Variants in CPNE4 observed in about 807,000 individuals in gnomAD.
CPNE4 encodes the protein copine 4, also known as copine-4.
A neutral mutation model predicts 67.9 loss-of-function variants in CPNE4; 25 were observed. That is an observed-to-expected ratio of 0.37 (90% CI 0.27 to 0.51). CPNE4 has a LOEUF of 0.51. Among genes scored for constraint, CPNE4 ranks in the 20% least tolerant of loss-of-function variants. CPNE4 has a pLI of 0.93. For missense variants in CPNE4, 464 were observed against 690.8 expected (o/e 0.67, Z 3.68); for synonymous variants, 242 against 244.9 (o/e 0.99, Z 0.11).
At chr3:132,012,216 C>G (rs1038800052) in intron 1 of CPNE4, among the ~76,000 whole-genome samples, 1 of 149,932 alleles carries the variant, frequency 6.7e-6, no homozygotes, top group African/African-American at 2.5e-5. Flanking sequence ...TCACCCAGGC[C>G]GGAGTTCAGT....
chr3:131,962,274 T>C (rs547024790), intron 1 of CPNE4, among the ~76,000 whole-genome samples: 74 of 152,322 alleles, frequency 4.9e-4, no homozygotes, highest in African/African-American at 1.8e-3. Flanking sequence ...AAGTCAAGGG[T>C]AGATGAAGAG....
intron 2 of CPNE4, among the ~76,000 whole-genome samples, chr3:131,726,157 G>A (rs1305269332): frequency 6.6e-6 from 1 of 152,190 alleles, no homozygotes; most frequent in Admixed American, 6.5e-5. Context: ...GACAGGTGAT[G>A]GAAACTCTAG....
chr3:131,580,427 T>TACATAG, intron 9 of CPNE4, among the ~76,000 whole-genome samples: 1 of 140,374 alleles, frequency 7.1e-6, no homozygotes, highest in African/African-American at 3.2e-5. Context: ...CATATACATA[T>TACATAG]ACATATACAT....
intron 11 of CPNE4, among the ~76,000 whole-genome samples, chr3:131,560,393 A>C (rs746767202): frequency 7.2e-5 from 11 of 152,006 alleles, no homozygotes; most frequent in Non-Finnish European, 1.6e-4. Flanking sequence ...GTCTGGTCTA[A>C]TGATTCAGAA....
At chr3:131,804,079 T>G (rs145159359) in intron 2 of CPNE4, among the ~76,000 whole-genome samples, 1 of 152,328 alleles carries the variant, frequency 6.6e-6, no homozygotes, top group African/African-American at 2.4e-5. Context: ...AAATCATTAT[T>G]GATTAATCCA....
At chr3:131,672,207 C>T (rs2080436713) in intron 6 of CPNE4, among the ~76,000 whole-genome samples, 1 of 152,134 alleles carries the variant, frequency 6.6e-6, no homozygotes, top group Non-Finnish European at 1.5e-5. Flanking sequence ...ATATGTGCCA[C>T]ATTTTCTTTA....
chr3:131,993,625 A>G lies in CPNE4; in HGVS notation c.-2+40942T>C, dbSNP rs2073224883. 1.5e-5 allele frequency among the ~76,000 whole-genome samples: 2 copies of G among 135,380 alleles called. 1 individual carries two copies. The highest frequency in any genetic ancestry group is 3.3e-5 in the Non-Finnish European group (2 of 59,822). The allele number at this position is 135,380 out of a possible 152,430, so 88.8% of individuals were successfully genotyped here. A position where few individuals can be genotyped will look rare whatever the true frequency, so the allele number is the denominator to read the frequency against. On this transcript the variant is annotated intron_variant, in intron 1 of 15. Transcript: ENST00000429747. The stretch of plus-strand genomic sequence containing the variant: ...GCCCTTGGTAGAAGATGAGCTCTAG[A>G]AAGTTTTCTAACCCACAGGAAAAAT...
chr3:132,001,615 G>GAAAGAAAGAAAT (rs2073453076), intron 1 of CPNE4, among the ~76,000 whole-genome samples: 1 of 146,826 alleles, frequency 6.8e-6, no homozygotes, highest in Non-Finnish European at 1.5e-5. Context: ...AAGAAAGAAA[G>GAAAGAAAGAAAT]AAAATGAAGA....
At chr3:131,712,846 G>A (rs1331782635) in intron 3 of CPNE4, among the ~76,000 whole-genome samples, 1 of 152,238 alleles carries the variant, frequency 6.6e-6, no homozygotes, top group East Asian at 1.9e-4. Flanking sequence ...GGAAGAGTAT[G>A]TGTAAATGCC....
At chr3:131,852,396 A>G (rs2086274754) in intron 2 of CPNE4, among the ~76,000 whole-genome samples, 1 of 152,054 alleles carries the variant, frequency 6.6e-6, no homozygotes, top group East Asian at 1.9e-4. Flanking sequence ...AATTCATCAC[A>G]CTAAAGAATA....
Position 131,764,643 on chromosome 3 carries a change from G to T in CPNE4, c.181-41018C>A, listed in dbSNP as rs567894838. On this transcript the variant is annotated intron_variant, in intron 2 of 15. Coordinates refer to ENST00000429747, the MANE Select transcript of CPNE4 (RefSeq NM_130808.3). ...TGTGGCAGTGTAAATTAAGAACTAT[G>T]AAAATGTTCACTTCCTGTTACCCCA... 5.9e-5 allele frequency among the ~76,000 whole-genome samples: 9 copies of T among 152,130 alleles called. No individual in the cohort carries two copies. In the South Asian group the frequency reaches 1.9e-3, roughly 32 times the overall value.
At chr3:131,645,293 AT>A (rs199721784) in intron 7 of CPNE4, among the ~76,000 whole-genome samples, 1 of 151,236 alleles carries the variant, frequency 6.6e-6, no homozygotes. Context: ...ATGTTTGGCC[AT>A]TTTTTTTTCT....
chr3:131,966,538 A>G (rs185529020), intron 1 of CPNE4, among the ~76,000 whole-genome samples: 19 of 152,318 alleles, frequency 1.2e-4, no homozygotes, highest in Admixed American at 1.2e-3. Context: ...GATAAAGGGG[A>G]TATCACCACT....
chr3:131,586,164 C>T (rs1046011855), intron 8 of CPNE4, among the ~76,000 whole-genome samples: 1 of 152,148 alleles, frequency 6.6e-6, no homozygotes, highest in Non-Finnish European at 1.5e-5. Context: ...AGTATTATCT[C>T]TAAAGAAAAA....
intron 1 of CPNE4, among the ~76,000 whole-genome samples, chr3:131,940,181 A>C (rs533685568): frequency 2.0e-5 from 3 of 152,180 alleles, no homozygotes; most frequent in Non-Finnish European, 4.4e-5. Flanking sequence ...ATATAAAAAA[A>C]GAAAACACAG....
chr3:131,572,642 C>A (rs1360350315), intron 10 of CPNE4, among the ~76,000 whole-genome samples: 1 of 151,878 alleles, frequency 6.6e-6, no homozygotes, highest in Non-Finnish European at 1.5e-5. Context: ...GGAGAACATC[C>A]AGAACTTTAT....
At chr3:132,020,012 T>C (rs2073960444) in intron 1 of CPNE4, among the ~76,000 whole-genome samples, 1 of 152,148 alleles carries the variant, frequency 6.6e-6, no homozygotes, top group Non-Finnish European at 1.5e-5. Context: ...CGATTCCAAA[T>C]TGGAACTTAA....
chr3:131,833,498 A>T (rs978829711), intron 2 of CPNE4, among the ~76,000 whole-genome samples: 6 of 152,180 alleles, frequency 3.9e-5, no homozygotes, highest in Admixed American at 6.5e-5. Flanking sequence ...GTTTGAGACA[A>T]GCCTTGGCAG....
At position 131,919,603 on chromosome 3, in the gene CPNE4, G is replaced by T. The variant is rs2070686222; in HGVS notation, c.-1-14159C>A. On this transcript the variant is annotated intron_variant, in intron 1 of 15. Transcript: ENST00000429747. ...AGAAATAAACTACATCTTGATTTAG[G>T]AGGGTTTGCTTTGTAAAATTCACCC... is the stretch of plus-strand genomic sequence containing the variant. 2.0e-5 allele frequency among the ~76,000 whole-genome samples: 3 copies of T among 152,162 alleles called. No individual in the cohort carries two copies. The South Asian group carries it at 6.2e-4, about 31-fold the overall frequency.
Sources: gnomAD v4.1 joint callset for allele counts (sites outside exome capture counted in the v4.1 genomes callset) on GRCh38, gnomAD v4.1.1 for gene constraint, MANE v1.5 for transcripts, NCBI Gene and HGNC (gene_info 2026-07-23, HGNC 2026-07-21) for gene names.